TENM3: variants seen among roughly 807,000 people sequenced by gnomAD.
The protein encoded by TENM3 is teneurin-3.
Under a neutral mutation model 255.1 loss-of-function variants are expected in TENM3, and 63 were observed. The ratio of observed to expected loss-of-function variants is 0.25; its 90% CI spans 0.20 to 0.30. The LOEUF is 0.30. TENM3 is among the 10% of genes least tolerant of loss of function. The probability of loss-of-function intolerance (pLI) is 1.00; values close to 1 mark genes in which losing one functional copy is unlikely to be tolerated. For missense variants in TENM3, 2,929 were observed against 3,461.1 expected, an observed-to-expected ratio of 0.85 and a Z score of 3.86; for synonymous variants, 1,306 against 1,322.3, an observed-to-expected ratio of 0.99 and a Z score of 0.27.
At chr4:181,870,334 G>A in the TENM3 span, among the ~76,000 whole-genome samples, 2 of 151,948 alleles carry the variant, frequency 1.3e-5, no homozygotes, top group African/African-American at 4.8e-5. Context: ...ATTTCTCTGG[G>A]GATAATACCA....
chr4:181,841,967 C>T, the TENM3 span, among the ~76,000 whole-genome samples: 4 of 152,070 alleles, frequency 2.6e-5, no homozygotes, highest in African/African-American at 7.2e-5. Flanking sequence ...GTGGCCTTGA[C>T]TTATCATATT....
chr4:182,746,477 G>A (rs927776460), intron 19 of TENM3, among the ~76,000 whole-genome samples: 9 of 152,164 alleles, frequency 5.9e-5, no homozygotes, highest in Non-Finnish European at 1.3e-4. Context: ...ATGGAACAGG[G>A]GGTTCATGGT....
intron 5 of TENM3, among the ~76,000 whole-genome samples, chr4:182,649,180 C>G (rs1047360536): frequency 7.3e-6 from 1 of 136,304 alleles, no homozygotes; most frequent in African/African-American, 2.5e-5. Flanking sequence ...TCCAGACAAC[C>G]AACTTAAAAA....
chr4:181,568,048 T>C, the TENM3 span, among the ~76,000 whole-genome samples: 1 of 152,136 alleles, frequency 6.6e-6, no homozygotes, highest in African/African-American at 2.4e-5. Flanking sequence ...AAAATACGAG[T>C]TAAGGAATGA....
At chr4:182,388,731 C>A (rs1009597274) in intron 3 of TENM3, among the ~76,000 whole-genome samples, 1 of 152,198 alleles carries the variant, frequency 6.6e-6, no homozygotes, top group African/African-American at 2.4e-5. Flanking sequence ...GCTTTTGAAT[C>A]TCAAATTTAG....
At chr4:181,547,967 A>AC in the TENM3 span, among the ~76,000 whole-genome samples, 1 of 130,166 alleles carries the variant, frequency 7.7e-6, no homozygotes, top group Non-Finnish European at 1.6e-5. Context: ...CCGTCCCCCC[A>AC]CCCCACAACA....
the TENM3 span, among the ~76,000 whole-genome samples, chr4:181,784,494 C>T: frequency 1.3e-5 from 2 of 151,962 alleles, no homozygotes; most frequent in African/African-American, 4.8e-5. Flanking sequence ...ACAAGTGAGA[C>T]TGGTGAATAG....
intron 1 of TENM3, among the ~76,000 whole-genome samples, chr4:182,321,478 T>C (rs534836745): frequency 2.0e-5 from 3 of 151,734 alleles, no homozygotes; most frequent in Non-Finnish European, 4.4e-5. Context: ...ATACAAAAAT[T>C]AGCTGAGCGT....
rs562712617 is a variant in TENM3 at position 182,792,448 on chromosome 4, A to G, written c.5776A>G (p.Thr1926Ala). ...NPPESNASIITDYNEEGLLLQ... is the reference protein window; with the variant it reads ...NPPESNASIIADYNEEGLLLQ... ...CCCGGAAAGCAACGCCTCCATCATCACGGACTACAACGAGGAAGGGCTGCT... is the reference window on the plus strand; with the variant it reads ...CCCGGAAAGCAACGCCTCCATCATCGCGGACTACAACGAGGAAGGGCTGCT... Residue 1926 changes from threonine (T) to alanine (A), a missense_variant, in exon 26 of 28, where the codon ACG becomes GCG. Thr to Ala is a moderately conservative substitution (Grantham distance 58). Around this residue, in one of 6 missense-constraint regions of TENM3, gnomAD observed 303 missense variants for 425.2 expected, o/e 0.71. Coordinates refer to ENST00000511685, the MANE Select transcript of TENM3 (RefSeq NM_001080477.4). This position sits in a 1 kb window ranked among gnomAD's most constrained non-coding sequence, Gnocchi z 6.3. 6.2e-7 allele frequency: 1 copy of G among 1,613,994 alleles called. No homozygotes were observed. The highest frequency in any genetic ancestry group is 1.3e-5 in the African/African-American group (1 of 75,032).
chr4:182,391,489 C>T (rs1041174686), intron 3 of TENM3, among the ~76,000 whole-genome samples: 9 of 152,182 alleles, frequency 5.9e-5, no homozygotes, highest in African/African-American at 2.2e-4. Context: ...AGGAGGCCAG[C>T]GTCCTGCAAA....
At chr4:181,630,905 A>G in the TENM3 span, among the ~76,000 whole-genome samples, 1 of 152,064 alleles carries the variant, frequency 6.6e-6, no homozygotes, top group Non-Finnish European at 1.5e-5. Context: ...TTCATTTTCT[A>G]TTGCTGCATA....
At chr4:182,717,619 A>C (rs2152685641) in intron 13 of TENM3, among the ~76,000 whole-genome samples, 1 of 152,312 alleles carries the variant, frequency 6.6e-6, no homozygotes. Flanking sequence ...TAGATTCTTA[A>C]ATCACACAGT....
chr4:181,732,793 G>A, the TENM3 span, among the ~76,000 whole-genome samples: 1 of 152,136 alleles, frequency 6.6e-6, no homozygotes, highest in Non-Finnish European at 1.5e-5. Flanking sequence ...CGGGGGATGA[G>A]TGGAGTGATT....
chr4:182,098,378 G>A, the TENM3 span, among the ~76,000 whole-genome samples: 16 of 152,192 alleles, frequency 1.1e-4, 1 homozygote, highest in African/African-American at 3.6e-4. Flanking sequence ...GGAGATATCT[G>A]TATTCTCCTG....
intron 3 of TENM3, among the ~76,000 whole-genome samples, chr4:182,583,451 C>T (rs1035756424): frequency 6.6e-6 from 1 of 150,694 alleles, no homozygotes; most frequent in Non-Finnish European, 1.5e-5. Context: ...CATTAGAAAT[C>T]ATAATCTACT....
chr4:182,735,262 AC>A (rs1435447566), intron 16 of TENM3, among the ~76,000 whole-genome samples: 4 of 152,212 alleles, frequency 2.6e-5, no homozygotes, highest in African/African-American at 9.7e-5. Flanking sequence ...TCGTGTATCT[AC>A]ATTAGAAATG....
At chr4:181,512,628 C>T in the TENM3 span, among the ~76,000 whole-genome samples, 1 of 152,158 alleles carries the variant, frequency 6.6e-6, no homozygotes, top group Non-Finnish European at 1.5e-5. Flanking sequence ...CATTTGTCAC[C>T]CAGGCTCCTG....
chr4:181,887,930 A>G, the TENM3 span, among the ~76,000 whole-genome samples: 1 of 152,194 alleles, frequency 6.6e-6, no homozygotes. Flanking sequence ...ATATGTACAC[A>G]TGAGAAAAAA....
At chr4:181,832,601 C>T in the TENM3 span, among the ~76,000 whole-genome samples, 4 of 152,220 alleles carry the variant, frequency 2.6e-5, no homozygotes, top group East Asian at 1.9e-4. Flanking sequence ...AAGTATCTAC[C>T]GTCTATAGAT....
Sources: gnomAD v4.1 joint callset for allele counts (sites outside exome capture counted in the v4.1 genomes callset) on GRCh38, gnomAD v4.1.1 for gene constraint, gnomAD v4.1.1 regional missense constraint, Gnocchi (gnomAD v3.1) non-coding constraint, MANE v1.5 for transcripts, NCBI Gene and HGNC (gene_info 2026-07-23, HGNC 2026-07-21) for gene names.